MYO10: variants seen among roughly 807,000 people sequenced by gnomAD.
MYO10 encodes myosin X.
Under a neutral mutation model 257.3 loss-of-function variants are expected in MYO10, and 133 were observed. The ratio of observed to expected loss-of-function variants is 0.52; its 90% confidence interval spans 0.45 to 0.60. MYO10 has a LOEUF of 0.60. MYO10 is among the 20% of genes least tolerant of loss of function. The probability of loss-of-function intolerance (pLI) is 0.00; values close to 1 mark genes in which losing one functional copy is unlikely to be tolerated. For missense variants in MYO10, 2,399 were observed against 2,635.7 expected (o/e 0.91, Z 1.97); for synonymous variants, 1,104 against 1,028.6 (o/e 1.07, Z -1.40).
At chr5:16,795,797 T>G (rs1179946759) in intron 3 of MYO10, among the ~76,000 whole-genome samples, 2 of 152,146 alleles carry the variant, frequency 1.3e-5, no homozygotes, top group Non-Finnish European at 2.9e-5. Flanking sequence ...ATGTACCTAA[T>G]ATGACTGAAT....
intron 26 of MYO10, among the ~76,000 whole-genome samples, chr5:16,699,044 G>A (rs570956606): frequency 1.3e-5 from 2 of 152,166 alleles, no homozygotes; most frequent in Non-Finnish European, 2.9e-5. Flanking sequence ...CAGAGAGGGA[G>A]ACAGTGAAAG....
At chr5:16,840,788 C>G (rs746480900) in intron 2 of MYO10, among the ~76,000 whole-genome samples, 3 of 151,896 alleles carry the variant, frequency 2.0e-5, no homozygotes, top group Non-Finnish European at 4.4e-5. Flanking sequence ...AAAACCAATA[C>G]ATGAGAGAAA....
At chr5:16,784,571 G>A (rs1300712849) in intron 4 of MYO10, among the ~76,000 whole-genome samples, 1 of 152,152 alleles carries the variant, frequency 6.6e-6, no homozygotes, top group African/African-American at 2.4e-5. Flanking sequence ...GTTGTGCAGA[G>A]AACAGAAGTA....
chr5:16,802,485 C>T (rs1021732604), intron 3 of MYO10, among the ~76,000 whole-genome samples: 27 of 151,224 alleles, frequency 1.8e-4, no homozygotes, highest in African/African-American at 3.4e-4. Context: ...GGTGAAACCC[C>T]GTCTCTACTA....
chr5:16,771,453 AG>A (rs1196919684), intron 9 of MYO10, among the ~76,000 whole-genome samples: 3 of 151,566 alleles, frequency 2.0e-5, no homozygotes. Flanking sequence ...CCAACAACAA[AG>A]GTTCAGAGAA....
At chr5:16,824,326 T>C (rs1742936295) in intron 2 of MYO10, among the ~76,000 whole-genome samples, 1 of 152,076 alleles carries the variant, frequency 6.6e-6, no homozygotes, top group Non-Finnish European at 1.5e-5. Flanking sequence ...CTGGGGACAC[T>C]CGACAACACC....
intron 12 of MYO10, 143 bp downstream of exon 12, chr5:16,764,107 A>C (rs1740798354): frequency 1.1e-6 from 1 of 924,878 alleles, no homozygotes; most frequent in Non-Finnish European, 1.6e-6. Flanking sequence ...TGATCACGCC[A>C]CTGCACTCCA....
chr5:16,855,102 C>T lies in MYO10; in HGVS notation c.120+22507G>A, dbSNP rs979567802. 4.6e-5 allele frequency among the ~76,000 whole-genome samples: 7 copies of T among 151,916 alleles called. No homozygotes were observed. In the East Asian group the frequency reaches 5.8e-4, roughly 13 times the overall value. On this transcript the variant is annotated intron_variant, in intron 2 of 40. Transcript: ENST00000513610. ...CACTCAAGCTAATGCAAGTTGTTAA[C>T]GAATCAAATCCTAGGTGCTAAAATG...
chr5:16,905,027 A>T (rs1316847479), intron 1 of MYO10, among the ~76,000 whole-genome samples: 2 of 152,200 alleles, frequency 1.3e-5, no homozygotes, highest in African/African-American at 4.8e-5. Flanking sequence ...TAATACTGGG[A>T]CTAAATCACC....
chr5:16,708,718 C>T (rs150305487), intron 21 of MYO10, among the ~76,000 whole-genome samples: 80 of 152,210 alleles, frequency 5.3e-4, no homozygotes, highest in African/African-American at 1.8e-3. Context: ...CATGCCACCA[C>T]GCCTGGCTAA....
At chr5:16,850,527 C>T (rs972633603) in intron 2 of MYO10, among the ~76,000 whole-genome samples, 3 of 152,054 alleles carry the variant, frequency 2.0e-5, no homozygotes, top group South Asian at 2.1e-4. Context: ...CCAGCTGCCT[C>T]GGCCTCCCAA....
At chr5:16,863,530 C>T (rs552770778) in intron 2 of MYO10, among the ~76,000 whole-genome samples, 4 of 152,186 alleles carry the variant, frequency 2.6e-5, no homozygotes, top group Admixed American at 2.0e-4. Flanking sequence ...GCCCACATTC[C>T]TATAACACAA....
rs70943805 is a variant in MYO10 at position 16,796,442 on chromosome 5, CAGAAAGAA to C, written c.280-1617_280-1610del. On this transcript the variant is annotated intron_variant, in intron 3 of 40. Transcript: ENST00000513610. The stretch of plus-strand genomic sequence containing the variant: ...AAAGGAAAAAGAAAGAAAAGAAAGA[CAGAAAGAA>C]AGAAAGAAAGAAAGAAAGAAAAGAA... Among the ~76,000 whole-genome samples the C allele has an allele frequency of 1.8e-3, 213 of 120,816 alleles. 4 individuals carry two copies. The highest frequency in any genetic ancestry group is 4.6e-3 in the African/African-American group (136 of 29,638). 79.3% of individuals were successfully genotyped at this position (120,816 alleles called of 152,430 possible).
chr5:16,707,436 G>C (rs1016706575), intron 21 of MYO10, among the ~76,000 whole-genome samples: 17 of 152,136 alleles, frequency 1.1e-4, no homozygotes, highest in Admixed American at 6.5e-5. Flanking sequence ...GGCGCTGCTT[G>C]GCTGAACTTG....
chr5:16,673,342 GCAAA>G (rs1200873082), intron 36 of MYO10, among the ~76,000 whole-genome samples: 4 of 144,410 alleles, frequency 2.8e-5, no homozygotes, highest in Middle Eastern at 6.8e-3. Flanking sequence ...CTAGTCACGT[GCAAA>G]CAAACACTTT....
At chr5:16,700,375 C>T (rs1415726795) in intron 25 of MYO10, among the ~76,000 whole-genome samples, 2 of 152,108 alleles carry the variant, frequency 1.3e-5, no homozygotes, top group Non-Finnish European at 2.9e-5. Context: ...ACAAAAGTTC[C>T]ATTTAAAAAG....
intron 2 of MYO10, among the ~76,000 whole-genome samples, chr5:16,870,190 A>T (rs747605661): frequency 8.9e-5 from 13 of 146,272 alleles, no homozygotes; most frequent in Non-Finnish European, 1.6e-4. Context: ...TCAGAGAATA[A>T]AAAGGAAAGG....
chr5:16,805,492 A>G (rs1460599958), intron 3 of MYO10, among the ~76,000 whole-genome samples: 1 of 151,806 alleles, frequency 6.6e-6, no homozygotes, highest in Non-Finnish European at 1.5e-5. Flanking sequence ...AAAAGAAAAA[A>G]AAGAAATCCT....
At chr5:16,850,424 C>T (rs1165880943) in intron 2 of MYO10, among the ~76,000 whole-genome samples, 1 of 151,862 alleles carries the variant, frequency 6.6e-6, no homozygotes, top group Non-Finnish European at 1.5e-5. Context: ...ACTACAGGCG[C>T]GCACCACCAC....
Sources: gnomAD v4.1 joint callset for allele counts (sites outside exome capture counted in the v4.1 genomes callset) on GRCh38, gnomAD v4.1.1 for gene constraint, MANE v1.5 for transcripts, NCBI Gene and HGNC (gene_info 2026-07-23, HGNC 2026-07-21) for gene names.